DOK5: variants seen among roughly 807,000 people sequenced by gnomAD.
The protein encoded by DOK5 is downstream of tyrosine kinase 5.
DOK5 carries 27 observed loss-of-function variants against 43.3 expected under a neutral mutation model. The ratio of observed to expected loss-of-function variants is 0.62; its 90% CI spans 0.46 to 0.86. The LOEUF (loss-of-function observed/expected upper bound fraction) is 0.86. Among genes scored for constraint, DOK5 ranks in the 40% least tolerant of loss-of-function variants. The probability of loss-of-function intolerance (pLI) is 0.00; values close to 1 mark genes in which losing one functional copy is unlikely to be tolerated. For missense variants in DOK5, 373 were observed against 392.9 expected, an observed-to-expected ratio of 0.95 and a Z score of 0.43; for synonymous variants, 146 against 140.1, an observed-to-expected ratio of 1.04 and a Z score of -0.30.
In DOK5 at chr20:54,568,642, T is replaced by C. The variant is rs950028854; in HGVS notation, c.174+13602T>C. Among the ~76,000 whole-genome samples, 54 of 152,188 alleles carry C rather than the reference T, an allele frequency of 3.5e-4. 1 individual carries two copies. Among genetic ancestry groups the C allele is most frequent in the Non-Finnish European group, 4.4e-5 (3 of 68,040 alleles). The stretch of plus-strand genomic sequence containing the variant: ...GCATGTTTTTTGTAACAAATATAAA[T>C]GTTTCTGGCTGGGCGCAGTGGCTCA... On this transcript the variant is annotated intron_variant, in intron 2 of 7. Transcript: ENST00000262593.
intron 1 of DOK5, among the ~76,000 whole-genome samples, chr20:54,525,199 G>T (rs569210688): frequency 1.3e-5 from 2 of 152,198 alleles, no homozygotes; most frequent in Non-Finnish European, 2.9e-5. Context: ...GCAGGAGAAC[G>T]TGGAGTCCTG....
At chr20:54,547,721 C>T (rs1028198207) in intron 1 of DOK5, among the ~76,000 whole-genome samples, 8 of 152,132 alleles carry the variant, frequency 5.3e-5, no homozygotes, top group Non-Finnish European at 1.2e-4. Context: ...TCACCACCAC[C>T]AACAACAAAG....
At chr20:54,644,562 C>A (rs936456680) in intron 7 of DOK5, among the ~76,000 whole-genome samples, 1 of 151,938 alleles carries the variant, frequency 6.6e-6, no homozygotes, top group Non-Finnish European at 1.5e-5. Context: ...AAAAATTAGC[C>A]GGGCGTGGTG....
chr20:54,605,019 A>G (rs1277030872), intron 5 of DOK5, among the ~76,000 whole-genome samples: 1 of 111,616 alleles, frequency 9.0e-6, no homozygotes, highest in South Asian at 2.2e-4. Context: ...AAAAATATAT[A>G]TATATACACA....
At chr20:54,610,555 T>G in intron 6 of DOK5, 32 bp downstream of exon 6, 1 of 1,413,926 alleles carries the variant, frequency 7.1e-7, no homozygotes, top group Non-Finnish European at 9.3e-7. Context: ...CGTGTCCCAG[T>G]GCCTATCACT....
At chr20:54,591,096 G>A (rs1440058565) in intron 4 of DOK5, among the ~76,000 whole-genome samples, 2 of 152,190 alleles carry the variant, frequency 1.3e-5, no homozygotes, top group Non-Finnish European at 2.9e-5. Flanking sequence ...GGCCAGTTAA[G>A]TGCATAGTAT....
At chr20:54,617,864 A>G (rs2146801856) in intron 6 of DOK5, among the ~76,000 whole-genome samples, 1 of 152,306 alleles carries the variant, frequency 6.6e-6, no homozygotes, top group East Asian at 1.9e-4. Context: ...TATATGCCCA[A>G]CTCTTTAGTA....
intron 1 of DOK5, among the ~76,000 whole-genome samples, chr20:54,528,496 A>G (rs959094359): frequency 8.6e-5 from 13 of 151,998 alleles, no homozygotes; most frequent in African/African-American, 3.1e-4. Context: ...AGCTCCACGC[A>G]TCATGTATCT....
intron 1 of DOK5, among the ~76,000 whole-genome samples, chr20:54,510,101 C>T (rs917154315): frequency 1.3e-5 from 2 of 152,064 alleles, no homozygotes; most frequent in Non-Finnish European, 2.9e-5. Context: ...ACATGTACCG[C>T]AGAACTAAAA....
At chr20:54,633,020 G>A (rs1050324314) in intron 6 of DOK5, among the ~76,000 whole-genome samples, 2 of 152,126 alleles carry the variant, frequency 1.3e-5, no homozygotes, top group South Asian at 4.1e-4. Flanking sequence ...GCAGTGAGCT[G>A]AGATCGCGCC....
chr20:54,595,207 A>C (rs987893347), intron 5 of DOK5, among the ~76,000 whole-genome samples: 1 of 152,064 alleles, frequency 6.6e-6, no homozygotes, highest in Non-Finnish European at 1.5e-5. Flanking sequence ...CGGGCGTGGT[A>C]GTGGGCACCT....
intron 1 of DOK5, among the ~76,000 whole-genome samples, chr20:54,519,799 A>T (rs985086788): frequency 2.0e-5 from 3 of 152,154 alleles, no homozygotes; most frequent in Admixed American, 1.3e-4. Flanking sequence ...TGAGATACCC[A>T]ATTTGTCTTA....
chr20:54,614,551 A>G (rs1986748133), intron 6 of DOK5, among the ~76,000 whole-genome samples: 1 of 152,230 alleles, frequency 6.6e-6, no homozygotes, highest in Non-Finnish European at 1.5e-5. Flanking sequence ...CGGGTTCTGC[A>G]TGCTCATGCA....
intron 1 of DOK5, among the ~76,000 whole-genome samples, chr20:54,552,480 C>T (rs1984562749): frequency 6.6e-6 from 1 of 151,578 alleles, no homozygotes; most frequent in Non-Finnish European, 1.5e-5. Context: ...AAAATAATTA[C>T]CTATGTTATC....
intron 2 of DOK5, among the ~76,000 whole-genome samples, chr20:54,587,071 C>A (rs944002134): frequency 2.0e-5 from 3 of 151,902 alleles, no homozygotes; most frequent in Non-Finnish European, 2.9e-5. Context: ...GTGGAAAGAT[C>A]AATAAGTAGT....
At chr20:54,483,064 A>G (rs1447647731) in intron 1 of DOK5, among the ~76,000 whole-genome samples, 1 of 152,150 alleles carries the variant, frequency 6.6e-6, no homozygotes. Flanking sequence ...TCCAGCTGGT[A>G]TTTCAGTCGT....
intron 5 of DOK5, among the ~76,000 whole-genome samples, chr20:54,606,820 G>A (rs1986484552): frequency 6.6e-6 from 1 of 152,184 alleles, no homozygotes; most frequent in Non-Finnish European, 1.5e-5. Flanking sequence ...GGGTCAGGCT[G>A]TCCAATGAAG....
At chr20:54,490,679 G>T (rs1054109730) in intron 1 of DOK5, among the ~76,000 whole-genome samples, 1 of 152,142 alleles carries the variant, frequency 6.6e-6, no homozygotes, top group Non-Finnish European at 1.5e-5. Context: ...TCCGCCTCCC[G>T]TGTTCAAGCA....
chr20:54,535,969 G>A (rs1271019638), intron 1 of DOK5, among the ~76,000 whole-genome samples: 1 of 152,156 alleles, frequency 6.6e-6, no homozygotes, highest in African/African-American at 2.4e-5. Flanking sequence ...AATTTCATGA[G>A]TTCTCAGTAT....
Sources: allele counts gnomAD v4.1 joint callset (sites outside exome capture counted in the v4.1 genomes callset), GRCh38; gene constraint gnomAD v4.1.1; transcripts MANE v1.5; gene names NCBI Gene and HGNC (gene_info 2026-07-23, HGNC 2026-07-21).